The following NCKAP5 variants were observed in gnomAD, a reference collection of about 807,000 sequenced individuals.
NCKAP5 encodes nck-associated protein 5.
Under a neutral mutation model 167.0 loss-of-function variants are expected in NCKAP5, and 92 were observed. The observed-to-expected ratio is 0.55, with a 90% CI of 0.47 to 0.66. NCKAP5 has a LOEUF of 0.66. Ranked by LOEUF, NCKAP5 falls within the 30% of genes least tolerant of loss-of-function variation. NCKAP5 has a pLI of 0.00. For synonymous variants in NCKAP5, 891 were observed against 877.4 expected, an observed-to-expected ratio of 1.02 and a Z score of -0.27; for missense variants, 2,378 against 2,315.0, an observed-to-expected ratio of 1.03 and a Z score of -0.56.
intron 3 of NCKAP5, among the ~76,000 whole-genome samples, chr2:133,466,716 A>T (rs537960142): frequency 1.3e-5 from 2 of 152,294 alleles, no homozygotes; most frequent in East Asian, 1.9e-4. Context: ...TCCTGGAAGA[A>T]GTCCTTCACA....
intron 6 of NCKAP5, among the ~76,000 whole-genome samples, chr2:133,064,979 C>T (rs904067505): frequency 6.6e-6 from 1 of 152,162 alleles, no homozygotes; most frequent in Admixed American, 6.5e-5. Flanking sequence ...GTGTTCTAAG[C>T]ATTGGAAGTA....
chr2:132,808,932 C>A (rs1007971337), intron 11 of NCKAP5, among the ~76,000 whole-genome samples: 3 of 152,012 alleles, frequency 2.0e-5, no homozygotes, highest in Non-Finnish European at 4.4e-5. Flanking sequence ...CTTAGCACTG[C>A]CTTTGCTGTA....
intron 2 of NCKAP5, among the ~76,000 whole-genome samples, chr2:133,551,139 G>T (rs1360085314): frequency 1.3e-5 from 2 of 152,062 alleles, no homozygotes; most frequent in South Asian, 2.1e-4. Flanking sequence ...TGGGTAGGAA[G>T]AATCAATATC....
intron 4 of NCKAP5, among the ~76,000 whole-genome samples, chr2:133,278,331 G>T (rs2089812563): frequency 1.3e-5 from 2 of 152,164 alleles, no homozygotes; most frequent in South Asian, 2.1e-4. Context: ...CTCTAAGAAA[G>T]AACTCATTTC....
rs1457132969 is a variant in NCKAP5 at position 132,783,564 on chromosome 2, T to A, written c.3247A>T (p.Ser1083Cys). 2 of 1,613,836 alleles carry A rather than the reference T, an allele frequency of 1.2e-6. No individual in the cohort carries two copies. The highest frequency in any genetic ancestry group is 1.7e-6 in the Non-Finnish European group (2 of 1,179,890). ...HEPLEMTSSK[S>C]VSPGRKGQLN... is the part of the protein sequence containing the mutation. ...TGTCCTTTTCTCCCTGGAGATACACTTTTGGAGGACGTCATTTCCAGTGGC... is the reference window on the plus strand; with the variant it reads ...TGTCCTTTTCTCCCTGGAGATACACATTTGGAGGACGTCATTTCCAGTGGC... The change falls in exon 14 of 20, where the codon AGT becomes TGT. Residue 1083 changes from serine to cysteine, a missense_variant. Transcript: ENST00000409261.
At chr2:133,255,291 T>C (rs780730870) in intron 4 of NCKAP5, among the ~76,000 whole-genome samples, 7 of 152,352 alleles carry the variant, frequency 4.6e-5, no homozygotes, top group Admixed American at 2.6e-4. Context: ...ATAAATACTG[T>C]TTTGTTTCCA....
chr2:133,211,574 C>T (rs2086212730), intron 5 of NCKAP5, among the ~76,000 whole-genome samples: 1 of 152,152 alleles, frequency 6.6e-6, no homozygotes, highest in South Asian at 2.1e-4. Context: ...CTCATAGCTG[C>T]TTCTATGTCC....
intron 4 of NCKAP5, among the ~76,000 whole-genome samples, chr2:133,283,813 G>A (rs541246347): frequency 6.6e-6 from 1 of 152,208 alleles, no homozygotes; most frequent in African/African-American, 2.4e-5. Flanking sequence ...GTTTCACCAT[G>A]TTGGCCAGGC....
chr2:133,510,404 C>T (rs925668936), intron 3 of NCKAP5, among the ~76,000 whole-genome samples: 2 of 152,250 alleles, frequency 1.3e-5, no homozygotes, highest in South Asian at 2.1e-4. Flanking sequence ...CACACATGCA[C>T]GTACACACAC....
chr2:133,114,723 T>C (rs1347220267), intron 6 of NCKAP5, among the ~76,000 whole-genome samples: 1 of 152,210 alleles, frequency 6.6e-6, no homozygotes, highest in Non-Finnish European at 1.5e-5. Context: ...AAACAGGTCA[T>C]TTGTTCCGTA....
chr2:133,565,015 G>A (rs1421990509), intron 1 of NCKAP5, among the ~76,000 whole-genome samples: 3 of 152,152 alleles, frequency 2.0e-5, no homozygotes, highest in African/African-American at 7.2e-5. Context: ...GGAGTTCCAT[G>A]GTGCACAGGG....
intron 4 of NCKAP5, among the ~76,000 whole-genome samples, chr2:133,252,414 T>C (rs963869637): frequency 2.6e-5 from 4 of 152,166 alleles, no homozygotes; most frequent in Non-Finnish European, 5.9e-5. Context: ...CTCTTTCTAG[T>C]CACAGCCAAG....
At chr2:133,514,122 C>T (rs999057917) in intron 3 of NCKAP5, among the ~76,000 whole-genome samples, 5 of 152,186 alleles carry the variant, frequency 3.3e-5, no homozygotes, top group African/African-American at 1.2e-4. Context: ...ACTGTACTTG[C>T]CGTGAACGTA....
intron 3 of NCKAP5, among the ~76,000 whole-genome samples, chr2:133,485,914 G>A (rs906053816): frequency 6.6e-6 from 1 of 152,134 alleles, no homozygotes. Flanking sequence ...ACAACACTAT[G>A]AGGCAGATGG....
intron 5 of NCKAP5, among the ~76,000 whole-genome samples, chr2:133,197,000 T>A (rs2085464612): frequency 6.6e-6 from 1 of 152,058 alleles, no homozygotes; most frequent in Non-Finnish European, 1.5e-5. Flanking sequence ...CCTAATACCT[T>A]TTTCCCCCTC....
At chr2:133,163,372 G>A (rs1351888017) in intron 5 of NCKAP5, among the ~76,000 whole-genome samples, 1 of 152,160 alleles carries the variant, frequency 6.6e-6, no homozygotes, top group Non-Finnish European at 1.5e-5. Context: ...GATGTCATTG[G>A]AATCTAAGCC....
chr2:133,375,558 C>T (rs532065944), intron 3 of NCKAP5, among the ~76,000 whole-genome samples: 59 of 152,218 alleles, frequency 3.9e-4, no homozygotes, highest in Admixed American at 7.2e-4. Context: ...AGCATAGTAT[C>T]CATTAGTTAT....
the NCKAP5 span, among the ~76,000 whole-genome samples, chr2:133,667,480 C>T: frequency 6.6e-6 from 1 of 152,074 alleles, no homozygotes; most frequent in Admixed American, 6.5e-5. Flanking sequence ...TTACTAACTG[C>T]ATCCCCAGGT....
At chr2:133,439,855 G>T (rs1290187497) in intron 3 of NCKAP5, among the ~76,000 whole-genome samples, 1 of 152,124 alleles carries the variant, frequency 6.6e-6, no homozygotes, top group Non-Finnish European at 1.5e-5. Flanking sequence ...ACTAATAATT[G>T]TGATACAAAA....
Sources: gnomAD v4.1 joint callset for allele counts (sites outside exome capture counted in the v4.1 genomes callset) on GRCh38, gnomAD v4.1.1 for gene constraint, MANE v1.5 for transcripts, NCBI Gene and HGNC (gene_info 2026-07-23, HGNC 2026-07-21) for gene names.